Variants in MAML2 observed in about 807,000 individuals in gnomAD.
MAML2 encodes mastermind-like protein 2.
Under a neutral mutation model 96.1 loss-of-function variants are expected in MAML2, and 22 were observed. The ratio of observed to expected loss-of-function variants is 0.23; its 90% CI spans 0.16 to 0.33. The LOEUF is 0.33. Among genes scored for constraint, MAML2 ranks in the 10% least tolerant of loss-of-function variants. The probability of loss-of-function intolerance (pLI) is 1.00; values close to 1 mark genes in which losing one functional copy is unlikely to be tolerated. For missense variants in MAML2, 1,367 were observed against 1,392.4 expected (o/e 0.98, Z 0.29); for synonymous variants, 561 against 521.3 (o/e 1.08, Z -1.04).
At chr11:96,136,308 T>C (rs1565225521) in intron 1 of MAML2, among the ~76,000 whole-genome samples, 1 of 152,192 alleles carries the variant, frequency 6.6e-6, no homozygotes, top group Non-Finnish European at 1.5e-5. Flanking sequence ...GATGTAGTTA[T>C]ATGTATATAT....
Position 96,342,852 on chromosome 11 carries a change from G to A in MAML2, c.-957C>T. 1 of 333,862 alleles carries A rather than the reference G, an allele frequency of 3.0e-6. No individual in the cohort carries two copies. Among genetic ancestry groups the A allele is most frequent in the East Asian group, 4.3e-5 (1 of 23,072 alleles). 20.7% of individuals were successfully genotyped at this position (333,862 alleles called of 1,614,324 possible). A position where few individuals can be genotyped will look rare whatever the true frequency, so the allele number is the denominator to read the frequency against. Reference sequence around the variant, plus strand: ...TCACCCCCGGCTCTATTCTAATACAGTATCAAGAGAGACAAACTCTTCCGA... The same window carrying A: ...TCACCCCCGGCTCTATTCTAATACAATATCAAGAGAGACAAACTCTTCCGA... On this transcript the variant is annotated 5_prime_UTR_variant, in exon 1 of 5. Coordinates refer to ENST00000524717, the MANE Select transcript of MAML2 (RefSeq NM_032427.4).
intron 2 of MAML2, among the ~76,000 whole-genome samples, chr11:96,079,944 G>A (rs758997064): frequency 7.2e-5 from 11 of 152,312 alleles, no homozygotes; most frequent in East Asian, 1.9e-4. Flanking sequence ...ATGTATCAGT[G>A]TGGAAAACAT....
Position 96,241,528 on chromosome 11 carries a change from ATATCT to A in MAML2, c.513+99850_513+99854del, listed in dbSNP as rs537839790. ...GGGTAGAGGCCAGAGATGCTGGTAA[ATATCT>A]TATAATGCACAGGACAGCCCCATAC... On this transcript the variant is annotated intron_variant, in intron 1 of 4. Coordinates refer to ENST00000524717, the MANE Select transcript of MAML2 (RefSeq NM_032427.4). 5.2e-4 allele frequency among the ~76,000 whole-genome samples: 79 copies of A among 152,320 alleles called. 1 individual carries two copies. The highest frequency in any genetic ancestry group is 9.6e-4 in the Non-Finnish European group (65 of 68,036).
At chr11:96,128,058 G>A (rs527477833) in intron 1 of MAML2, among the ~76,000 whole-genome samples, 6 of 152,234 alleles carry the variant, frequency 3.9e-5, no homozygotes, top group South Asian at 2.1e-4. Context: ...TACAGGATGC[G>A]GACTGGGTGT....
At chr11:96,216,970 G>A (rs1355534717) in intron 1 of MAML2, among the ~76,000 whole-genome samples, 2 of 152,166 alleles carry the variant, frequency 1.3e-5, no homozygotes, top group Admixed American at 6.5e-5. Context: ...TATGTAAGAG[G>A]CCATGAAGCA....
At chr11:96,260,075 A>T (rs1591101417) in intron 1 of MAML2, among the ~76,000 whole-genome samples, 1 of 152,198 alleles carries the variant, frequency 6.6e-6, no homozygotes, top group Admixed American at 6.5e-5. Flanking sequence ...AATCCTCGGA[A>T]CACCTGTGCC....
At chr11:96,246,126 G>A (rs1164892254) in intron 1 of MAML2, among the ~76,000 whole-genome samples, 1 of 152,098 alleles carries the variant, frequency 6.6e-6, no homozygotes, top group Non-Finnish European at 1.5e-5. Flanking sequence ...AAGAGTTACA[G>A]ACTTGTGAAA....
At chr11:96,234,844 T>C (rs1401168023) in intron 1 of MAML2, among the ~76,000 whole-genome samples, 1 of 152,204 alleles carries the variant, frequency 6.6e-6, no homozygotes. Context: ...AAAAGATACG[T>C]ACTTAAATTT....
intron 1 of MAML2, among the ~76,000 whole-genome samples, chr11:96,312,219 C>CAAAAAAAAAAA (rs34658278): frequency 0.023 from 1,193 of 51,500 alleles, 73 homozygotes; most frequent in East Asian, 0.06. Flanking sequence ...GACTCTATCT[C>CAAAAAAAAAAA]AAAAAAAAAA....
chr11:96,120,496 C>T (rs1195415395), intron 1 of MAML2, among the ~76,000 whole-genome samples: 1 of 152,200 alleles, frequency 6.6e-6, no homozygotes, highest in African/African-American at 2.4e-5. Flanking sequence ...ACAGATCGCA[C>T]CACGGTGACA....
intron 2 of MAML2, among the ~76,000 whole-genome samples, chr11:96,006,783 G>A (rs11021378): frequency 0.24 from 35,291 of 149,954 alleles, 4,438 homozygotes; most frequent in East Asian, 0.38. Flanking sequence ...TGGTTTCAAA[G>A]TCCTGACCTC....
At chr11:96,015,011 G>A (rs1858321710) in intron 2 of MAML2, among the ~76,000 whole-genome samples, 1 of 152,112 alleles carries the variant, frequency 6.6e-6, no homozygotes. Context: ...CTATGTACTA[G>A]CCACCCTATT....
Position 96,343,193 on chromosome 11 carries a change from AGT to A in MAML2, c.-1300_-1299del. On this transcript the variant is annotated 5_prime_UTR_variant, in exon 1 of 5. Coordinates refer to ENST00000524717, the MANE Select transcript of MAML2 (RefSeq NM_032427.4). ...ATAGGAGAGGGAGAGAAAGAGAGAG[AGT>A]GAGACAGAGAAGGAGAAAGAGAGAG... is the stretch of plus-strand genomic sequence containing the variant. The A allele has an allele frequency of 4.9e-6, 1 of 205,416 alleles. No homozygotes were observed. Among genetic ancestry groups the A allele is most frequent in the Admixed American group, 7.0e-5 (1 of 14,386 alleles). The allele number at this position is 205,416 out of a possible 1,614,324, so 12.7% of individuals were successfully genotyped here.
chr11:96,323,559 G>A (rs1046811736), intron 1 of MAML2, among the ~76,000 whole-genome samples: 2 of 151,472 alleles, frequency 1.3e-5, no homozygotes, highest in African/African-American at 2.4e-5. Flanking sequence ...TGTCTTCAAG[G>A]CACTTACAAT....
At chr11:96,249,727 T>C (rs1453402775) in intron 1 of MAML2, among the ~76,000 whole-genome samples, 3 of 152,124 alleles carry the variant, frequency 2.0e-5, no homozygotes, top group African/African-American at 7.2e-5. Context: ...AGCTTGCTAG[T>C]AGCTAGTAAC....
rs539504632 is a variant in MAML2, at chr11:96,240,748, TA to T, written c.513+100634del. Among the ~76,000 whole-genome samples, 466 of 152,112 alleles carry T rather than the reference TA, an allele frequency of 3.1e-3. 3 individuals carry two copies. The highest frequency in any genetic ancestry group is 0.011 in the African/African-American group (438 of 41,502). Reference sequence around the variant, plus strand: ...CTGATGTACAAATTAGTCTTCCTACTAAATGAAAACTGCCAGCAGAAAGGTA... The same window carrying T: ...CTGATGTACAAATTAGTCTTCCTACTAATGAAAACTGCCAGCAGAAAGGTA... On this transcript the variant is annotated intron_variant, in intron 1 of 4. Transcript: ENST00000524717.
rs541216405 is a variant in MAML2 at position 96,155,509 on chromosome 11, A to AATACATAC, written c.514-61993_514-61992insGTATGTAT. 5.3e-5 allele frequency among the ~76,000 whole-genome samples: 4 copies of AATACATAC among 74,848 alleles called. 1 individual carries two copies. The highest frequency in any genetic ancestry group is 3.1e-4 in the Admixed American group (2 of 6,468). The allele number at this position is 74,848 out of a possible 152,430, so 49.1% of individuals were successfully genotyped here. The stretch of plus-strand genomic sequence containing the variant: ...ACCTCATGGGCGCTGTAACAATTCA[A>AATACATAC]ATATATATATATATATATATATATA... On this transcript the variant is annotated intron_variant, in intron 1 of 4. Coordinates refer to ENST00000524717, the MANE Select transcript of MAML2 (RefSeq NM_032427.4).
At chr11:96,091,382 G>T (rs558381492) in intron 2 of MAML2, among the ~76,000 whole-genome samples, 2 of 152,268 alleles carry the variant, frequency 1.3e-5, no homozygotes, top group Middle Eastern at 3.4e-3. Flanking sequence ...CGGTCCACAT[G>T]CATCACAGGG....
rs568304250 is a variant in MAML2 at position 96,240,557 on chromosome 11, C to CAACAAAAAAAAAAAAAAAAAAAAAAAA, written c.513+100825_513+100826insTTTTTTTTTTTTTTTTTTTTTTTTGTT. 1.4e-3 allele frequency among the ~76,000 whole-genome samples: 73 copies of CAACAAAAAAAAAAAAAAAAAAAAAAAA among 51,098 alleles called. 19 individuals carry two copies. The highest frequency in any genetic ancestry group is 3.0e-3 in the Admixed American group (9 of 3,038). 33.5% of individuals were successfully genotyped at this position (51,098 alleles called of 152,430 possible). On this transcript the variant is annotated intron_variant, in intron 1 of 4. Coordinates refer to ENST00000524717, the MANE Select transcript of MAML2 (RefSeq NM_032427.4). Reference sequence around the variant, plus strand: ...TGGGCGACAGAGCGAGACTCCGTCTCAAAAAAAAAAAAAAAAAAAAAAAAA... The same window carrying CAACAAAAAAAAAAAAAAAAAAAAAAAA: ...TGGGCGACAGAGCGAGACTCCGTCTCAACAAAAAAAAAAAAAAAAAAAAAAAAAAAAAAAAAAAAAAAAAAAAAAAAA...
Sources: gnomAD v4.1 joint callset for allele counts (sites outside exome capture counted in the v4.1 genomes callset) on GRCh38, gnomAD v4.1.1 for gene constraint, MANE v1.5 for transcripts, NCBI Gene and HGNC (gene_info 2026-07-23, HGNC 2026-07-21) for gene names.